The following PCDH9 variants were observed in gnomAD, a reference collection of about 807,000 sequenced individuals.
PCDH9 encodes the protein protocadherin 9, also known as protocadherin-9.
PCDH9 carries 24 observed loss-of-function variants against 70.6 expected under a neutral mutation model. The ratio of observed to expected loss-of-function variants is 0.34; its 90% CI spans 0.25 to 0.48. PCDH9 has a LOEUF of 0.48. Ranked by LOEUF, PCDH9 falls within the 20% of genes least tolerant of loss-of-function variation. The pLI, the probability that PCDH9 is intolerant of heterozygous loss-of-function variation, is 0.99. For synonymous variants in PCDH9, 562 were observed against 558.5 expected (o/e 1.01, Z -0.09); for missense variants, 1,281 against 1,503.6 (o/e 0.85, Z 2.45).
intron 4 of PCDH9, among the ~76,000 whole-genome samples, chr13:66,411,514 T>A (rs903684490): frequency 6.6e-6 from 1 of 152,118 alleles, no homozygotes; most frequent in Admixed American, 6.6e-5. Context: ...TCTTAAACTC[T>A]TGGGACTCAG....
intron 4 of PCDH9, among the ~76,000 whole-genome samples, chr13:66,420,675 G>A (rs1212696998): frequency 6.6e-6 from 1 of 152,136 alleles, no homozygotes; most frequent in Admixed American, 6.5e-5. Context: ...ACCTCCATCC[G>A]AAGGTCACCA....
intron 3 of PCDH9, among the ~76,000 whole-genome samples, chr13:66,771,714 AC>A (rs1387991597): frequency 6.6e-6 from 1 of 152,158 alleles, no homozygotes; most frequent in Non-Finnish European, 1.5e-5. Flanking sequence ...GGACTCTTTA[AC>A]TTTTGCTACC....
chr13:66,375,170 G>A (rs1315872522), intron 4 of PCDH9, among the ~76,000 whole-genome samples: 1 of 152,060 alleles, frequency 6.6e-6, no homozygotes, highest in Non-Finnish European at 1.5e-5. Flanking sequence ...GACAGATGAA[G>A]TTAAGACAAT....
chr13:66,999,061 C>T lies in PCDH9; in HGVS notation c.3037-95456G>A, dbSNP rs140560237. Among the ~76,000 whole-genome samples the T allele has an allele frequency of 8.1e-3, 1,234 of 152,320 alleles. 13 individuals are homozygous for T. The highest frequency in any genetic ancestry group is 0.027 in the African/African-American group (1,141 of 41,574). ...GTCCATCCTGTAATAACAGCCATTTCCCTAGCCAATCATCCTTTAGAACGT... is the reference window on the plus strand; with the variant it reads ...GTCCATCCTGTAATAACAGCCATTTTCCTAGCCAATCATCCTTTAGAACGT... On this transcript the variant is annotated intron_variant, in intron 2 of 4. Transcript: ENST00000377865.
chr13:66,580,449 A>T (rs1156618766), intron 4 of PCDH9, among the ~76,000 whole-genome samples: 3 of 151,944 alleles, frequency 2.0e-5, no homozygotes, highest in Non-Finnish European at 4.4e-5. Flanking sequence ...GCATAAATGC[A>T]TGTGTAGAAA....
chr13:66,498,154 T>A (rs935692967), intron 4 of PCDH9, among the ~76,000 whole-genome samples: 11 of 150,880 alleles, frequency 7.3e-5, no homozygotes, highest in Non-Finnish European at 8.9e-5. Context: ...TATTATTATT[T>A]TTTTTTTGAG....
chr13:66,948,180 A>C (rs2083120432), intron 2 of PCDH9, among the ~76,000 whole-genome samples: 1 of 152,122 alleles, frequency 6.6e-6, no homozygotes, highest in African/African-American at 2.4e-5. Flanking sequence ...TCTGTTCATC[A>C]TGTTCATTTG....
rs1205607214 is a variant in PCDH9, at chr13:66,536,836, T to C, written c.3340+94374A>G. 3.3e-4 allele frequency among the ~76,000 whole-genome samples: 4 copies of C among 12,228 alleles called. No homozygotes were observed. In the Non-Finnish European group the frequency reaches 0.042, roughly 127 times the overall value. The allele number at this position is 12,228 out of a possible 152,430, so 8.0% of individuals were successfully genotyped here. On this transcript the variant is annotated intron_variant, in intron 4 of 4. Coordinates refer to ENST00000377865, the MANE Select transcript of PCDH9 (RefSeq NM_203487.3). ...AAATGAGTGGGCGTTTAAAAGCAGA[T>C]AGACACCAGTTTTAACAATATGTAA...
At chr13:66,997,505 C>CTGTTT (rs58349093) in intron 2 of PCDH9, among the ~76,000 whole-genome samples, 49,444 of 144,146 alleles carry the variant, frequency 0.34, 8,931 homozygotes, top group South Asian at 0.43. Flanking sequence ...CACTGGAGGT[C>CTGTTT]TGTTTTGTTT....
intron 3 of PCDH9, among the ~76,000 whole-genome samples, chr13:66,769,603 T>C (rs1336994914): frequency 6.6e-6 from 1 of 152,066 alleles, no homozygotes; most frequent in Non-Finnish European, 1.5e-5. Context: ...GTAGACCACA[T>C]GTAGCTGCTT....
At chr13:67,150,742 T>C (rs2087636492) in intron 2 of PCDH9, among the ~76,000 whole-genome samples, 1 of 152,170 alleles carries the variant, frequency 6.6e-6, no homozygotes, top group South Asian at 2.1e-4. Context: ...CACTGGCAAA[T>C]AAAGTAACTT....
At chr13:66,550,757 T>C (rs1015668498) in intron 4 of PCDH9, among the ~76,000 whole-genome samples, 6 of 152,160 alleles carry the variant, frequency 3.9e-5, no homozygotes, top group Non-Finnish European at 8.8e-5. Flanking sequence ...TCTTACCTAA[T>C]ACAGATTTGT....
chr13:66,507,563 T>C (rs1006368075), intron 4 of PCDH9, among the ~76,000 whole-genome samples: 1 of 152,174 alleles, frequency 6.6e-6, no homozygotes, highest in Non-Finnish European at 1.5e-5. Flanking sequence ...ATTAATCAAG[T>C]TGTAAAGCAT....
intron 4 of PCDH9, among the ~76,000 whole-genome samples, chr13:66,550,208 T>C (rs985334400): frequency 1.3e-5 from 2 of 152,134 alleles, no homozygotes; most frequent in Non-Finnish European, 2.9e-5. Flanking sequence ...AATAATTGTT[T>C]AATGATTTAA....
At chr13:66,722,193 G>A (rs1437292942) in intron 3 of PCDH9, among the ~76,000 whole-genome samples, 2 of 152,132 alleles carry the variant, frequency 1.3e-5, no homozygotes, top group Non-Finnish European at 2.9e-5. Context: ...TGGCTTTTGA[G>A]TATTTGTTTT....
intron 4 of PCDH9, among the ~76,000 whole-genome samples, chr13:66,455,514 A>C (rs954855902): frequency 6.6e-6 from 1 of 152,070 alleles, no homozygotes; most frequent in Non-Finnish European, 1.5e-5. Flanking sequence ...AACATTTTAG[A>C]ATCCCAATAA....
At chr13:67,146,205 T>C (rs1298498813) in intron 2 of PCDH9, among the ~76,000 whole-genome samples, 2 of 152,110 alleles carry the variant, frequency 1.3e-5, no homozygotes, top group Non-Finnish European at 2.9e-5. Context: ...TGACATTGAA[T>C]AAGAACAGAA....
chr13:67,058,631 A>G (rs1547143), intron 2 of PCDH9, among the ~76,000 whole-genome samples: 32,235 of 152,140 alleles, frequency 0.21, 3,673 homozygotes, highest in Admixed American at 0.28. Flanking sequence ...GATGGTGGGT[A>G]ATCTTAAATA....
At chr13:66,310,062 T>A (rs538772883) in intron 4 of PCDH9, among the ~76,000 whole-genome samples, 2 of 152,134 alleles carry the variant, frequency 1.3e-5, no homozygotes, top group East Asian at 1.9e-4. Context: ...TGATTTTTTT[T>A]AACTCAAATT....
Sources: allele counts gnomAD v4.1 joint callset (sites outside exome capture counted in the v4.1 genomes callset), GRCh38; gene constraint gnomAD v4.1.1; transcripts MANE v1.5; gene names NCBI Gene and HGNC (gene_info 2026-07-23, HGNC 2026-07-21).